The following MCF2L2 variants were observed in gnomAD, a reference collection of about 807,000 sequenced individuals.
The protein encoded by MCF2L2 is MCF.2 cell line derived transforming sequence-like 2.
A neutral mutation model predicts 150.2 loss-of-function variants in MCF2L2; 102 were observed. The ratio of observed to expected loss-of-function variants is 0.68; its 90% confidence interval spans 0.58 to 0.80. MCF2L2 has a LOEUF of 0.80. Ranked by LOEUF, MCF2L2 falls within the 30% of genes least tolerant of loss-of-function variation. The pLI is 0.00. For missense variants in MCF2L2, 1,256 were observed against 1,372.8 expected, an observed-to-expected ratio of 0.91 and a Z score of 1.34; for synonymous variants, 465 against 491.3, an observed-to-expected ratio of 0.95 and a Z score of 0.71.
intron 27 of MCF2L2, among the ~76,000 whole-genome samples, chr3:183,186,902 G>A (rs1352655326): frequency 6.6e-6 from 1 of 152,158 alleles, no homozygotes; most frequent in African/African-American, 2.4e-5. Context: ...AGATATTAAT[G>A]GTGATTATAT....
At chr3:183,184,284 T>C (rs894614471) in intron 27 of MCF2L2, among the ~76,000 whole-genome samples, 14 of 152,198 alleles carry the variant, frequency 9.2e-5, no homozygotes, top group African/African-American at 3.4e-4. Flanking sequence ...TCCCAAAGTG[T>C]GAGATTACAG....
chr3:183,328,381 C>T (rs762937699), intron 5 of MCF2L2, among the ~76,000 whole-genome samples: 3 of 152,110 alleles, frequency 2.0e-5, no homozygotes, highest in Non-Finnish European at 4.4e-5. Context: ...GATGCCCAGA[C>T]TTAAAATTAG....
chr3:183,337,965 T>G (rs372602722), intron 5 of MCF2L2, among the ~76,000 whole-genome samples: 1 of 152,222 alleles, frequency 6.6e-6, no homozygotes, highest in African/African-American at 2.4e-5. Context: ...TGTTTTAGTT[T>G]TAATTTGTTT....
At chr3:183,337,835 C>G (rs899565963) in intron 5 of MCF2L2, among the ~76,000 whole-genome samples, 1 of 152,180 alleles carries the variant, frequency 6.6e-6, no homozygotes, top group Non-Finnish European at 1.5e-5. Flanking sequence ...TTTGAATTTT[C>G]TATAAATACT....
intron 1 of MCF2L2, among the ~76,000 whole-genome samples, chr3:183,412,284 TTTGTTTGTTG>T (rs1332642320): frequency 6.9e-6 from 1 of 145,498 alleles, no homozygotes; most frequent in Admixed American, 6.7e-5. Context: ...TGTTTGTTTG[TTTGTTTGTTG>T]TTGTTGTTGT....
chr3:183,228,071 C>A, intron 18 of MCF2L2: 3 of 318,080 alleles, frequency 9.4e-6, no homozygotes, highest in Non-Finnish European at 1.8e-5. Flanking sequence ...TATTCATTAA[C>A]TTGATTGCAG....
At chr3:183,405,708 T>C (rs1175415482) in intron 1 of MCF2L2, among the ~76,000 whole-genome samples, 2 of 152,080 alleles carry the variant, frequency 1.3e-5, no homozygotes, top group Non-Finnish European at 2.9e-5. Context: ...GACACCTGGG[T>C]TGTTTCCAGT....
chr3:183,344,549 A>G (rs770421549), intron 3 of MCF2L2, among the ~76,000 whole-genome samples: 5 of 152,248 alleles, frequency 3.3e-5, no homozygotes, highest in Admixed American at 6.5e-5. Context: ...TAGCATCAGA[A>G]TGACAGGATC....
chr3:183,186,014 G>A (rs1721681090), intron 27 of MCF2L2, among the ~76,000 whole-genome samples: 2 of 152,064 alleles, frequency 1.3e-5, no homozygotes, highest in South Asian at 4.2e-4. Flanking sequence ...GGGGAGGGAG[G>A]GGCTGTAGGT....
intron 27 of MCF2L2, among the ~76,000 whole-genome samples, chr3:183,185,067 G>A (rs1437111406): frequency 1.3e-5 from 2 of 152,170 alleles, no homozygotes; most frequent in Non-Finnish European, 2.9e-5. Flanking sequence ...ACAGGCGCAT[G>A]CCACCATGCC....
intron 15 of MCF2L2, among the ~76,000 whole-genome samples, chr3:183,232,434 G>A (rs897436453): frequency 2.0e-5 from 3 of 152,144 alleles, no homozygotes; most frequent in Admixed American, 6.5e-5. Flanking sequence ...AAAGAGTAAG[G>A]CCAGTCCCCA....
chr3:183,379,398 C>T lies in MCF2L2; in HGVS notation c.174G>A (p.Glu58=). The change falls in exon 3 of 30, where the codon GAG becomes GAA. Residue 58 remains glutamate (E), a synonymous_variant. Coordinates refer to ENST00000328913, the MANE Select transcript of MCF2L2 (RefSeq NM_015078.4). ...QFAILSGGRG[E]DGAPIITFPE... ...GGAACGTGATGATGGGGGCGCCATC[C>T]TCCCCTCGGCCTCCTGCAACAAAAA... The T allele has an allele frequency of 6.2e-7, 1 of 1,609,378 alleles. No homozygotes were observed.
At chr3:183,252,927 A>G (rs1724632452) in intron 15 of MCF2L2, among the ~76,000 whole-genome samples, 1 of 152,226 alleles carries the variant, frequency 6.6e-6, no homozygotes, top group Non-Finnish European at 1.5e-5. Context: ...GTTGAGTAGA[A>G]GTCCGCATCT....
At position 183,224,266 on chromosome 3, in the gene MCF2L2, AT is replaced by A. The variant is rs1723265100; in HGVS notation, c.2116-77del. ...GTGGACAGGATGATACAGTTTATTC[AT>A]TCATTCAACAAGCCAGAGTATTCTA... On this transcript the variant is annotated intron_variant, in intron 18 of 29. Coordinates refer to ENST00000328913, the MANE Select transcript of MCF2L2 (RefSeq NM_015078.4). 4.2e-6 allele frequency: 4 copies of A among 944,072 alleles called. No homozygotes were observed. The African/African-American group carries it at 4.9e-5, about 11-fold the overall frequency. 58.5% of individuals were successfully genotyped at this position (944,072 alleles called of 1,614,324 possible).
chr3:183,355,870 G>A (rs1187491892), intron 3 of MCF2L2, among the ~76,000 whole-genome samples: 1 of 152,046 alleles, frequency 6.6e-6, no homozygotes, highest in Non-Finnish European at 1.5e-5. Context: ...CTGCATTTCT[G>A]ACAGGCTTCC....
At chr3:183,212,469 T>C (rs1056198585) in intron 22 of MCF2L2, among the ~76,000 whole-genome samples, 8 of 152,110 alleles carry the variant, frequency 5.3e-5, no homozygotes, top group African/African-American at 1.9e-4. Context: ...CAAGAAGTGA[T>C]AGCAAAATCA....
intron 20 of MCF2L2, among the ~76,000 whole-genome samples, chr3:183,221,162 ACAGGCAC>A (rs1367323983): frequency 2.0e-5 from 3 of 152,176 alleles, no homozygotes; most frequent in Non-Finnish European, 2.9e-5. Context: ...AGCTGGTTTC[ACAGGCAC>A]CAGCAAGCTT....
At chr3:183,232,665 T>C (rs949626113) in intron 15 of MCF2L2, among the ~76,000 whole-genome samples, 3 of 152,006 alleles carry the variant, frequency 2.0e-5, no homozygotes, top group Non-Finnish European at 4.4e-5. Flanking sequence ...AATGATCCAA[T>C]AGAAAAAAAT....
rs932895701 is a variant in MCF2L2, at chr3:183,296,788, C to G, written c.1497+188G>C. 14 of 577,912 alleles carry G rather than the reference C, an allele frequency of 2.4e-5. No homozygotes were observed. The African/African-American group carries it at 2.6e-4, about 11-fold the overall frequency. The allele number at this position is 577,912 out of a possible 1,614,324, so 35.8% of individuals were successfully genotyped here. On this transcript the variant is annotated intron_variant, in intron 12 of 29. Transcript: ENST00000328913. ...AGAGAAATGACTGATTTGAGTCAGA[C>G]GAAGACTCAGTATGCCAGGACGTTC...
Sources: gnomAD v4.1 joint callset for allele counts (sites outside exome capture counted in the v4.1 genomes callset) on GRCh38, gnomAD v4.1.1 for gene constraint, MANE v1.5 for transcripts, NCBI Gene and HGNC (gene_info 2026-07-23, HGNC 2026-07-21) for gene names.